RECQL4: variants seen among roughly 807,000 people sequenced by gnomAD.
RECQL4 encodes RecQ like helicase 4, also known as ATP-dependent DNA helicase Q4.
RECQL4 carries 158 observed loss-of-function variants against 128.6 expected under a neutral mutation model. The ratio of observed to expected loss-of-function variants is 1.23; its 90% CI spans 1.08 to 1.40. RECQL4 has a LOEUF of 1.40. Ranked by LOEUF, RECQL4 falls within the 40% of genes most tolerant of loss-of-function variation. RECQL4 has a pLI of 0.00. For missense variants in RECQL4, 2,293 were observed against 1,649.8 expected (o/e 1.39, Z -6.75); for synonymous variants, 996 against 678.9 (o/e 1.47, Z -7.26).
rs781456397 is a variant in RECQL4, at chr8:144,511,986, G to T, written c.3318C>A (p.Arg1106=). 1.2e-6 allele frequency: 2 copies of T among 1,611,010 alleles called. No individual in the cohort carries two copies. The highest frequency in any genetic ancestry group is 3.3e-5 in the Admixed American group (2 of 59,874). The part of the protein sequence containing the change: ...RSTRLKDLLG[R]YFEEEEGQEP... ...CCTGCCCTTCCTCTTCCTCAAAGTA[G>T]CGGCCGAGCAGGTCCTTGAGCCTGG... Residue 1106 remains arginine (R), a synonymous_variant, in exon 19 of 21, where the codon CGC becomes CGA. Coordinates refer to ENST00000617875, the MANE Select transcript of RECQL4 (RefSeq NM_004260.4).
intron 9 of RECQL4, 43 bp from the exon 10 acceptor site, chr8:144,514,568 C>A (rs535390317): frequency 1.3e-6 from 2 of 1,578,032 alleles, no homozygotes; most frequent in Non-Finnish European, 1.7e-6. Flanking sequence ...CAGCCCAGCC[C>A]TGGCCCTTCC....
chr8:144,515,879 C>T lies in RECQL4; in HGVS notation c.1143G>A (p.Gln381=), dbSNP rs764045434. Residue 381 remains glutamine, a synonymous_variant, in exon 6 of 21, where the codon CAG becomes CAA. Transcript: ENST00000617875. Reference sequence around the variant, plus strand: ...AACACTCCCCTTTCTTCCGCCACTTCTGCTTCCATGCCTGGGGGGTGCCCA... The same window carrying T: ...AACACTCCCCTTTCTTCCGCCACTTTTGCTTCCATGCCTGGGGGGTGCCCA... The part of the protein sequence containing the change: ...SRLLRKQAWK[Q]KWRKKGECFG... 6.2e-7 allele frequency: 1 copy of T among 1,612,980 alleles called. No individual in the cohort carries two copies. Among genetic ancestry groups the T allele is most frequent in the South Asian group, 1.1e-5 (1 of 91,074 alleles).
chr8:144,515,306 G>C lies in RECQL4; in HGVS notation c.1390+20C>G, dbSNP rs747705426. 2 of 1,611,824 alleles carry C rather than the reference G, an allele frequency of 1.2e-6. No homozygotes were observed. The highest frequency in any genetic ancestry group is 1.1e-5 in the South Asian group (1 of 90,898). ...CCCAACCCCTCAGTGAAGGCTCTGG[G>C]CCAGAAGCTGACTGCTCACCTGCCA... is the stretch of plus-strand genomic sequence containing the variant. On this transcript the variant is annotated intron_variant, in intron 7 of 20. Coordinates refer to ENST00000617875, the MANE Select transcript of RECQL4 (RefSeq NM_004260.4).
At position 144,516,078 on chromosome 8, in the gene RECQL4, G is replaced by A. The variant is rs752208548; in HGVS notation, c.1041C>T (p.Arg347=). Residue 347 remains arginine (R), a synonymous_variant, in exon 5 of 21, where the codon CGC becomes CGT. Transcript: ENST00000617875. The part of the protein sequence containing the change: ...APLHIFPRLA[R]HDRGNYVRLN... ...GCCGTACGTAATTGCCCCTGTCATG[G>A]CGGGCCAGCCGAGGGAAGATGTGCA... 2.5e-6 allele frequency: 4 copies of A among 1,612,678 alleles called. No homozygotes were observed. In the South Asian group the frequency reaches 4.4e-5, roughly 18 times the overall value.
At position 144,512,434 on chromosome 8, in the gene RECQL4, G is replaced by T; in HGVS notation, c.3013C>A (p.Arg1005=). ...SMGWELASVR[R]ALCQLQWDHE... is the part of the protein sequence containing the mutation. ...TCCCACTGCAGCTGGCAGAGAGCCC[G>T]CCGCACAGAGGCCAGCTCCCAGCCC... The change falls in exon 17 of 21, where the codon CGG becomes AGG. Residue 1005 remains arginine, a synonymous_variant. Transcript: ENST00000617875. 1 of 1,609,984 alleles carries T rather than the reference G, an allele frequency of 6.2e-7. No individual in the cohort carries two copies. The highest frequency in any genetic ancestry group is 8.5e-7 in the Non-Finnish European group (1 of 1,178,284).
At position 144,515,540 on chromosome 8, in the gene RECQL4, G is replaced by A. The variant is rs987788247; in HGVS notation, c.1259-83C>T. 5 of 1,595,066 alleles carry A rather than the reference G, an allele frequency of 3.1e-6. No homozygotes were observed. The African/African-American group carries it at 4.0e-5, about 13-fold the overall frequency. On this transcript the variant is annotated intron_variant, in intron 6 of 20. Coordinates refer to ENST00000617875, the MANE Select transcript of RECQL4 (RefSeq NM_004260.4). ...GCCACAACCTCTCCTTCCCCCAAAG[G>A]GGGTTGGCAGCAGGCAGTGCCCTTC...
Position 144,517,111 on chromosome 8 carries a change from C to A in RECQL4, c.293G>T (p.Arg98Leu), listed in dbSNP as rs769634470. ...KSPQSTPGRS[R>L]QGSVPDYGQR... ...CCCGTAGTCCGGCACCGAGCCCTGG[C>A]GGCTCCGCCCTGGCGTAGACTGTGG... The change falls in exon 4 of 21, where the codon CGC becomes CTC. Residue 98 changes from arginine to leucine, a missense_variant. Transcript: ENST00000617875. 2 of 1,612,372 alleles carry A rather than the reference C, an allele frequency of 1.2e-6. No individual in the cohort carries two copies. Among genetic ancestry groups the A allele is most frequent in the Non-Finnish European group, 1.7e-6 (2 of 1,179,732 alleles).
chr8:144,516,059 C>A lies in RECQL4; in HGVS notation c.1060G>T (p.Val354Leu), dbSNP rs551940973. ...RLARHDRGNY[V>L]RLNMKQKHYV... ...TGTTTCTGCTTCATGTTGAGCCGTA[C>A]GTAATTGCCCCTGTCATGGCGGGCC... The change falls in exon 5 of 21, where the codon GTA becomes TTA. Residue 354 changes from valine (V) to leucine (L), a missense_variant. By Grantham distance (32) the Val-to-Leu change is conservative (BLOSUM62 1). Coordinates refer to ENST00000617875, the MANE Select transcript of RECQL4 (RefSeq NM_004260.4). The A allele has an allele frequency of 4.3e-6, 7 of 1,612,676 alleles. No homozygotes were observed. The South Asian group carries it at 7.7e-5, about 18-fold the overall frequency.
In RECQL4 at chr8:144,515,082, G is replaced by GA. The variant is rs746795582; in HGVS notation, c.1484-11_1484-10insT. On this transcript the variant is annotated splice_polypyrimidine_tract_variant and intron_variant, in intron 8 of 20. Coordinates refer to ENST00000617875, the MANE Select transcript of RECQL4 (RefSeq NM_004260.4). The stretch of plus-strand genomic sequence containing the variant: ...AGCAGCGTGGAGATGCCTGGATGGG[G>GA]CGGGAGTCAGCAGCAGGGTTCTGCA... 11 of 1,600,086 alleles carry GA rather than the reference G, an allele frequency of 6.9e-6. No individual in the cohort carries two copies. In the Admixed American group the frequency reaches 1.9e-4, roughly 28 times the overall value.
In RECQL4 at chr8:144,512,518, C is replaced by T. The variant is rs780492921; in HGVS notation, c.2929G>A (p.Asp977Asn). 10 of 1,612,560 alleles carry T rather than the reference C, an allele frequency of 6.2e-6. No individual in the cohort carries two copies. The Admixed American group carries it at 1.3e-4, about 21-fold the overall frequency. The change falls in exon 17 of 21, where the codon GAC becomes AAC. Residue 977 changes from aspartate (D) to asparagine (N), a missense_variant. Transcript: ENST00000617875. Reference protein sequence around the residue: ...AVCLAQQLPEDPGQGSSSVEF... With the variant: ...AVCLAQQLPENPGQGSSSVEF... Reference sequence around the variant, plus strand: ...ACGGAGCTGCTGCCTTGCCCTGGGTCCTCAGGCAGCTGCTGGGCCAAGCAC... The same window carrying T: ...ACGGAGCTGCTGCCTTGCCCTGGGTTCTCAGGCAGCTGCTGGGCCAAGCAC...
At chr8:144,511,636 G>A (rs1183963770) in intron 20 of RECQL4, 45 bp downstream of exon 20, 7 of 1,606,044 alleles carry the variant, frequency 4.4e-6, no homozygotes, top group Non-Finnish European at 6.0e-6. Flanking sequence ...ACCTGCCCCA[G>A]CCCCCAGCCC....
rs558058260 is a variant in RECQL4, at chr8:144,512,195, C to G, written c.3185G>C (p.Arg1062Pro). ...CAGACGGGCCAGGGCCTGGCGCTCC[C>G]GGGCCTGCACACGGCCATAGAGGAA... is the stretch of plus-strand genomic sequence containing the variant. ...CDFLYGRVQA[R>P]ERQALARLRR... The change falls in exon 18 of 21, where the codon CGG becomes CCG. Residue 1062 changes from arginine to proline, a missense_variant. Transcript: ENST00000617875. 6.8e-6 allele frequency: 11 copies of G among 1,611,678 alleles called. No individual in the cohort carries two copies. The highest frequency in any genetic ancestry group is 9.3e-6 in the Non-Finnish European group (11 of 1,179,604).
At position 144,516,659 on chromosome 8, in the gene RECQL4, T is replaced by C. The variant is rs2130728507; in HGVS notation, c.460A>G (p.Lys154Glu). 3 of 1,602,240 alleles carry C rather than the reference T, an allele frequency of 1.9e-6. No individual in the cohort carries two copies. The highest frequency in any genetic ancestry group is 2.2e-5 in the South Asian group (2 of 90,062). ...GTGPVPSFAE[K>E]VSDEPPQLPE... Reference sequence around the variant, plus strand: ...AGCTGTGGAGGCTCATCACTGACTTTTTCTGCAAAGGAGGGGACAGGCCCT... The same window carrying C: ...AGCTGTGGAGGCTCATCACTGACTTCTTCTGCAAAGGAGGGGACAGGCCCT... Residue 154 changes from lysine (K) to glutamate (E), a missense_variant, in exon 5 of 21, where the codon AAA becomes GAA. By Grantham distance (56) the Lys-to-Glu change is moderately conservative. Coordinates refer to ENST00000617875, the MANE Select transcript of RECQL4 (RefSeq NM_004260.4).
rs1354602225 is a variant in RECQL4 at position 144,514,335 on chromosome 8, T to TCAGCAC, written c.1726_1731dup (p.Val576_Leu577dup). 6.2e-7 allele frequency: 1 copy of TCAGCAC among 1,607,522 alleles called. No individual in the cohort carries two copies. The highest frequency in any genetic ancestry group is 8.5e-7 in the Non-Finnish European group (1 of 1,176,648). ...CCCACCAGTGCCTCAGGTGTCAGCA[T>TCAGCAC]CAGCACGTGTACCTGGGCTGCCCGA... On this transcript the variant is annotated inframe_insertion, in exon 11 of 21. Transcript: ENST00000617875.
In RECQL4 at chr8:144,516,593, G is replaced by A. The variant is rs2130727195; in HGVS notation, c.526C>T (p.Gln176Ter). The A allele has an allele frequency of 6.2e-7, 1 of 1,610,398 alleles. No homozygotes were observed. Among genetic ancestry groups the A allele is most frequent in the Non-Finnish European group, 8.5e-7 (1 of 1,178,866 alleles). Residue 176 changes from glutamine to a stop codon, truncating the protein, a stop_gained, in exon 5 of 21, where the codon CAG (glutamine) becomes TAG (stop). Transcript: ENST00000617875. LOFTEE classifies it high-confidence loss of function. ...QPRPGRLQHL[Q>*]ASLSQRLGSL... ...CCCAGCCGCTGGCTCAGGGATGCCT[G>A]CAGATGCTGGAGCCGGCCTGGCCTT...
At chr8:144,511,868 G>A (rs1320404638) in intron 19 of RECQL4, 43 bp downstream of exon 19, 5 of 1,610,220 alleles carry the variant, frequency 3.1e-6, no homozygotes, top group Non-Finnish European at 4.2e-6. Context: ...GCAGCCCAGG[G>A]AACCTGCAAC....
At position 144,514,987 on chromosome 8, in the gene RECQL4, G is replaced by A. The variant is rs1586814779; in HGVS notation, c.1569C>T (p.Ser523=). 1.2e-6 allele frequency: 2 copies of A among 1,611,610 alleles called. No homozygotes were observed. Among genetic ancestry groups the A allele is most frequent in the Non-Finnish European group, 1.7e-6 (2 of 1,179,508 alleles). The change falls in exon 9 of 21, where the codon AGC becomes AGT. Residue 523 remains serine, a synonymous_variant. Transcript: ENST00000617875. ...GAGAGACGACCAACGTGAGGCAGGGGCTGCGCCGGCTGTAGAGCAGCGCTG... is the reference window on the plus strand; with the variant it reads ...GAGAGACGACCAACGTGAGGCAGGGACTGCGCCGGCTGTAGAGCAGCGCTG... The part of the protein sequence containing the change: ...QLPALLYSRR[S]PCLTLVVSPL...
intron 1 of RECQL4, 26 bp downstream of exon 1, chr8:144,517,667 GCCCTCAGC>G (rs1489444333): frequency 3.4e-6 from 5 of 1,463,824 alleles, no homozygotes; most frequent in Admixed American, 2.5e-5. Flanking sequence ...CGCGGGCCGC[GCCCTCAGC>G]CCCTCGGCCC....
chr8:144,514,328 G>GTCAGCA lies in RECQL4; in HGVS notation c.1733_1738dup (p.Met578_Leu579dup), dbSNP rs1287252420. On this transcript the variant is annotated inframe_insertion, in exon 11 of 21. Coordinates refer to ENST00000617875, the MANE Select transcript of RECQL4 (RefSeq NM_004260.4). ...TCCCGCCCCCACCAGTGCCTCAGGT[G>GTCAGCA]TCAGCATCAGCACGTGTACCTGGGC... The GTCAGCA allele has an allele frequency of 6.2e-7, 1 of 1,608,430 alleles. No individual in the cohort carries two copies. The highest frequency in any genetic ancestry group is 8.5e-7 in the Non-Finnish European group (1 of 1,177,382).
Sources: allele counts gnomAD v4.1 joint callset, GRCh38; gene constraint gnomAD v4.1.1; transcripts MANE v1.5; gene names NCBI Gene and HGNC (gene_info 2026-07-23, HGNC 2026-07-21).